The following RALGAPB variants were observed in gnomAD, a reference collection of about 807,000 sequenced individuals.
RALGAPB encodes the protein ral GTPase-activating protein subunit beta.
RALGAPB carries 25 observed loss-of-function variants against 161.1 expected under a neutral mutation model. That is an observed-to-expected ratio of 0.16 (90% CI 0.11 to 0.22). The LOEUF is 0.22. Among genes scored for constraint, RALGAPB ranks in the 10% least tolerant of loss-of-function variants. The pLI is 1.00. For missense variants in RALGAPB, 1,391 were observed against 1,815.2 expected, an observed-to-expected ratio of 0.77 and a Z score of 4.25; for synonymous variants, 629 against 626.1, an observed-to-expected ratio of 1.00 and a Z score of -0.07.
intron 13 of RALGAPB, among the ~76,000 whole-genome samples, chr20:38,529,823 G>A (rs1350126383): frequency 6.6e-6 from 1 of 152,100 alleles, no homozygotes; most frequent in Admixed American, 6.5e-5. Flanking sequence ...CCTGGGTGAC[G>A]GAGTGAGGCT....
Position 38,576,131 on chromosome 20 carries a change from A to G in RALGAPB, c.*1164A>G, listed in dbSNP as rs1487096665. The G allele has an allele frequency of 6.6e-6, 1 of 152,574 alleles. No homozygotes were observed. The highest frequency in any genetic ancestry group is 2.4e-5 in the African/African-American group (1 of 41,444). The allele number at this position is 152,574 out of a possible 1,614,324, so 9.5% of individuals were successfully genotyped here. On this transcript the variant is annotated 3_prime_UTR_variant, in exon 30 of 30. Coordinates refer to ENST00000262879, the MANE Select transcript of RALGAPB (RefSeq NM_020336.4). Reference sequence around the variant, plus strand: ...TCGCTGCTACTTTTCTGCAGGGATAAAACTTTTGAGGTGGCCAGACCCAGA... The same window carrying G: ...TCGCTGCTACTTTTCTGCAGGGATAGAACTTTTGAGGTGGCCAGACCCAGA...
chr20:38,519,237 A>G (rs1312669579), intron 9 of RALGAPB, among the ~76,000 whole-genome samples: 2 of 152,210 alleles, frequency 1.3e-5, no homozygotes, highest in Non-Finnish European at 2.9e-5. Context: ...CTTCTGGGAT[A>G]GGTAAATGTG....
rs529606432 is a variant in RALGAPB, at chr20:38,575,386, C to A, written c.*419C>A. The A allele has an allele frequency of 1.5e-4, 25 of 171,266 alleles. No individual in the cohort carries two copies. The highest frequency in any genetic ancestry group is 5.8e-4 in the African/African-American group (24 of 41,656). The allele number at this position is 171,266 out of a possible 1,614,324, so 10.6% of individuals were successfully genotyped here. On this transcript the variant is annotated 3_prime_UTR_variant, in exon 30 of 30. Coordinates refer to ENST00000262879, the MANE Select transcript of RALGAPB (RefSeq NM_020336.4). ...GTATTCAAAATTAAAATCTCAGAAT[C>A]TTACAGGACATTTAAAGACTCATGT...
chr20:38,516,083 T>C (rs1339408743), intron 6 of RALGAPB, 109 bp from the exon 7 acceptor site: 2 of 821,566 alleles, frequency 2.4e-6, no homozygotes, highest in African/African-American at 3.5e-5. Context: ...TCAGTCTCTT[T>C]TCTGAATCAG....
chr20:38,512,749 T>G (rs2085998106), intron 6 of RALGAPB, among the ~76,000 whole-genome samples: 2 of 152,074 alleles, frequency 1.3e-5, no homozygotes, highest in African/African-American at 4.8e-5. Flanking sequence ...CAGTTAAAAA[T>G]TTTATTTATT....
chr20:38,540,892 A>G (rs931292947), intron 17 of RALGAPB, 149 bp from the exon 18 acceptor site: 16 of 715,980 alleles, frequency 2.2e-5, no homozygotes, highest in African/African-American at 1.6e-4. Flanking sequence ...TTATATTACT[A>G]TGAAGTTAAT....
intron 1 of RALGAPB, among the ~76,000 whole-genome samples, chr20:38,474,273 A>G (rs1276750036): frequency 6.6e-6 from 1 of 151,962 alleles, no homozygotes; most frequent in Non-Finnish European, 1.5e-5. Flanking sequence ...CTATATGCAT[A>G]TACACACCCT....
intron 14 of RALGAPB, among the ~76,000 whole-genome samples, chr20:38,532,314 C>T (rs2086679347): frequency 6.6e-6 from 1 of 152,218 alleles, no homozygotes; most frequent in Admixed American, 6.5e-5. Context: ...GCCTCGGCCT[C>T]CCAAAGTGCC....
intron 16 of RALGAPB, among the ~76,000 whole-genome samples, chr20:38,536,354 C>T (rs1427101603): frequency 2.6e-5 from 4 of 152,094 alleles, no homozygotes; most frequent in African/African-American, 9.7e-5. Flanking sequence ...TGTATATACC[C>T]CAGTTTACCC....
At chr20:38,539,651 TA>T in intron 16 of RALGAPB, 124 bp from the exon 17 acceptor site, 1 of 807,922 alleles carries the variant, frequency 1.2e-6, no homozygotes, top group Non-Finnish European at 1.9e-6. Context: ...ATAAATAATA[TA>T]AAAAAGCAAG....
intron 28 of RALGAPB, 114 bp downstream of exon 28, chr20:38,570,961 CAA>C (rs1208994727): frequency 9.2e-6 from 6 of 652,326 alleles, no homozygotes; most frequent in Admixed American, 3.2e-5. Flanking sequence ...GAAATAAAAA[CAA>C]AAAAGATCAA....
At chr20:38,492,198 T>G (rs2122888193) in intron 2 of RALGAPB, among the ~76,000 whole-genome samples, 1 of 152,314 alleles carries the variant, frequency 6.6e-6, no homozygotes, top group Non-Finnish European at 1.5e-5. Flanking sequence ...TCAGCTCCAC[T>G]TTTTATAAAC....
chr20:38,486,579 C>T (rs1379438227), intron 1 of RALGAPB, among the ~76,000 whole-genome samples: 1 of 152,096 alleles, frequency 6.6e-6, no homozygotes, highest in African/African-American at 2.4e-5. Context: ...AGACCCTTTC[C>T]TCCCCTGATG....
chr20:38,497,974 C>G (rs1339894078), intron 4 of RALGAPB, among the ~76,000 whole-genome samples: 1 of 150,156 alleles, frequency 6.7e-6, no homozygotes, highest in Non-Finnish European at 1.5e-5. Context: ...GAGGCTGAGG[C>G]AGGAGAATTG....
chr20:38,502,403 GC>G (rs2085621923), intron 5 of RALGAPB, among the ~76,000 whole-genome samples: 1 of 152,202 alleles, frequency 6.6e-6, no homozygotes, highest in African/African-American at 2.4e-5. Context: ...CTCCCAAGAA[GC>G]AGAGAAAACT....
At chr20:38,516,020 G>A (rs1221407320) in intron 6 of RALGAPB, among the ~76,000 whole-genome samples, 172 bp from the exon 7 acceptor site, 1 of 152,168 alleles carries the variant, frequency 6.6e-6, no homozygotes, top group African/African-American at 2.4e-5. Context: ...CCACACTGCA[G>A]ATCTTCTGTA....
At chr20:38,570,077 A>G (rs932297860) in intron 27 of RALGAPB, 81 bp downstream of exon 27, 2 of 1,198,060 alleles carry the variant, frequency 1.7e-6, no homozygotes, top group Non-Finnish European at 2.4e-6. Flanking sequence ...GAGTGGGCAC[A>G]TAAGCCTGGT....
At chr20:38,571,406 G>C (rs921739577) in intron 28 of RALGAPB, among the ~76,000 whole-genome samples, 10 of 152,120 alleles carry the variant, frequency 6.6e-5, no homozygotes, top group Non-Finnish European at 1.3e-4. Context: ...CTGACAACTA[G>C]AATTCCACTC....
At chr20:38,525,763 A>G in intron 12 of RALGAPB, 132 bp from the exon 13 acceptor site, 1 of 967,040 alleles carries the variant, frequency 1.0e-6, no homozygotes, top group Non-Finnish European at 1.5e-6. Flanking sequence ...TTAGTGACAG[A>G]TTCAGCACAG....
Sources: allele counts gnomAD v4.1 joint callset (sites outside exome capture counted in the v4.1 genomes callset), GRCh38; gene constraint gnomAD v4.1.1; transcripts MANE v1.5; gene names NCBI Gene and HGNC (gene_info 2026-07-23, HGNC 2026-07-21).